GRM7: variants seen among roughly 807,000 people sequenced by gnomAD.
The protein encoded by GRM7 is glutamate metabotropic receptor 7, also known as metabotropic glutamate receptor 7.
GRM7 carries 35 observed loss-of-function variants against 84.5 expected under a neutral mutation model. The observed-to-expected ratio is 0.41, with a 90% CI of 0.32 to 0.55. The LOEUF is 0.55. Ranked by LOEUF, GRM7 falls within the 20% of genes least tolerant of loss-of-function variation. The pLI is 0.19. For missense variants in GRM7, 1,003 were observed against 1,194.6 expected (o/e 0.84, Z 2.36); for synonymous variants, 487 against 455.1 (o/e 1.07, Z -0.89).
intron 1 of GRM7, among the ~76,000 whole-genome samples, chr3:7,075,496 A>ATGTGTGTGTGTGTGTGTGTGTGTG (rs376048569): frequency 7.2e-6 from 1 of 138,490 alleles, no homozygotes; most frequent in Non-Finnish European, 1.6e-5. Flanking sequence ...TGCTTCTCAG[A>ATGTGTGTGTGTGTGTGTGTGTGTG]TGTGTGTGTG....
chr3:7,178,981 C>G (rs1248756729), intron 2 of GRM7, among the ~76,000 whole-genome samples: 1 of 152,050 alleles, frequency 6.6e-6, no homozygotes, highest in Non-Finnish European at 1.5e-5. Context: ...TGGCATGCAC[C>G]TGTAATCCTA....
At chr3:6,902,141 C>G (rs1236262614) in intron 1 of GRM7, among the ~76,000 whole-genome samples, 1 of 152,184 alleles carries the variant, frequency 6.6e-6, no homozygotes, top group African/African-American at 2.4e-5. Context: ...AACCAGACCA[C>G]CCTGTTCCTA....
At chr3:7,107,826 T>C (rs931352807) in intron 1 of GRM7, among the ~76,000 whole-genome samples, 21 of 152,158 alleles carry the variant, frequency 1.4e-4, no homozygotes, top group African/African-American at 4.8e-4. Context: ...AAAATTAGAT[T>C]TGTTAATTAG....
intron 4 of GRM7, among the ~76,000 whole-genome samples, chr3:7,310,857 C>T (rs1036945255): frequency 5.9e-5 from 9 of 151,326 alleles, no homozygotes; most frequent in South Asian, 2.1e-4. Context: ...CATCATTCCA[C>T]TCTCTTTTTT....
chr3:7,694,981 T>C (rs1334765442), intron 9 of GRM7, among the ~76,000 whole-genome samples: 1 of 152,206 alleles, frequency 6.6e-6, no homozygotes, highest in East Asian at 1.9e-4. Flanking sequence ...TTTTAAATTG[T>C]CCTTGATAAG....
chr3:6,911,086 A>T (rs1482860853), intron 1 of GRM7, among the ~76,000 whole-genome samples: 1 of 152,098 alleles, frequency 6.6e-6, no homozygotes, highest in East Asian at 1.9e-4. Flanking sequence ...GCCCCCTCAT[A>T]GGAGCTTCTA....
chr3:6,959,140 A>C (rs1351463177), intron 1 of GRM7, among the ~76,000 whole-genome samples: 1 of 152,200 alleles, frequency 6.6e-6, no homozygotes, highest in East Asian at 1.9e-4. Context: ...CTCTCTACAC[A>C]TGATCTCATT....
intron 4 of GRM7, among the ~76,000 whole-genome samples, chr3:7,351,265 G>A (rs924792025): frequency 7.1e-6 from 1 of 141,806 alleles, no homozygotes; most frequent in African/African-American, 2.6e-5. Flanking sequence ...CATAGCAGGG[G>A]CTACATGCTG....
intron 9 of GRM7, among the ~76,000 whole-genome samples, chr3:7,719,091 C>A (rs1365162788): frequency 6.6e-6 from 1 of 152,044 alleles, no homozygotes; most frequent in Non-Finnish European, 1.5e-5. Flanking sequence ...CTTGAGGTGA[C>A]AGACCCAAGG....
At chr3:7,677,190 A>G (rs1278977767) in intron 8 of GRM7, among the ~76,000 whole-genome samples, 1 of 145,430 alleles carries the variant, frequency 6.9e-6, no homozygotes, top group Non-Finnish European at 1.5e-5. Flanking sequence ...TGAACCCGTG[A>G]GGCAGAGGTT....
intron 4 of GRM7, among the ~76,000 whole-genome samples, chr3:7,350,254 GT>G (rs1693078921): frequency 6.6e-6 from 1 of 152,076 alleles, no homozygotes; most frequent in Non-Finnish European, 1.5e-5. Flanking sequence ...GTTTGGATCT[GT>G]GTCCCCACCC....
At chr3:7,693,710 T>C in intron 9 of GRM7, 1 of 1,447,116 alleles carries the variant, frequency 6.9e-7, no homozygotes, top group Non-Finnish European at 9.4e-7. Flanking sequence ...TCTGTCCTTC[T>C]AAGTGTCCTA....
intron 7 of GRM7, among the ~76,000 whole-genome samples, chr3:7,550,573 C>CTGTGTG (rs1212112309): frequency 5.4e-4 from 33 of 60,666 alleles, no homozygotes; most frequent in African/African-American, 1.3e-3. Context: ...CTCTCTCTCT[C>CTGTGTG]TCTCTGTGTG....
At chr3:7,527,023 C>T (rs1292519792) in intron 7 of GRM7, among the ~76,000 whole-genome samples, 2 of 151,580 alleles carry the variant, frequency 1.3e-5, no homozygotes, top group African/African-American at 2.4e-5. Context: ...CTTTTTAGTT[C>T]TATAAAAATT....
At chr3:6,873,754 A>T (rs1695208221) in intron 1 of GRM7, among the ~76,000 whole-genome samples, 1 of 152,172 alleles carries the variant, frequency 6.6e-6, no homozygotes, top group Non-Finnish European at 1.5e-5. Context: ...CAGGGTTGTC[A>T]CAGAGCTTTT....
chr3:7,395,932 G>A (rs539607496), intron 4 of GRM7, among the ~76,000 whole-genome samples: 60 of 152,202 alleles, frequency 3.9e-4, no homozygotes, highest in Admixed American at 1.2e-3. Context: ...GCAGATAAAT[G>A]ATACATGTTT....
intron 1 of GRM7, among the ~76,000 whole-genome samples, chr3:7,030,751 C>T (rs1696156363): frequency 6.6e-6 from 1 of 152,088 alleles, no homozygotes; most frequent in African/African-American, 2.4e-5. Context: ...GGATTCCTTG[C>T]AGTCGTATTG....
At chr3:7,298,046 C>G (rs1006226480) in intron 2 of GRM7, among the ~76,000 whole-genome samples, 1 of 152,074 alleles carries the variant, frequency 6.6e-6, no homozygotes, top group African/African-American at 2.4e-5. Flanking sequence ...ATGAGCAATA[C>G]GAAATACTTT....
At chr3:7,020,117 G>A (rs1290657616) in intron 1 of GRM7, among the ~76,000 whole-genome samples, 1 of 152,098 alleles carries the variant, frequency 6.6e-6, no homozygotes, top group African/African-American at 2.4e-5. Context: ...AAAGTGCTGG[G>A]ATTACAGGCA....
Sources: gnomAD v4.1 joint callset for allele counts (sites outside exome capture counted in the v4.1 genomes callset) on GRCh38, gnomAD v4.1.1 for gene constraint, MANE v1.5 for transcripts, NCBI Gene and HGNC (gene_info 2026-07-23, HGNC 2026-07-21) for gene names.